WLS: variants seen among roughly 807,000 people sequenced by gnomAD.
The protein encoded by WLS is protein wntless homolog.
Under a neutral mutation model 62.8 loss-of-function variants are expected in WLS, and 23 were observed. The observed-to-expected ratio is 0.37, with a 90% confidence interval of 0.26 to 0.52. The LOEUF (loss-of-function observed/expected upper bound fraction) is 0.52, where lower values mean the gene tolerates loss of function less well. Ranked by LOEUF, WLS falls within the 20% of genes least tolerant of loss-of-function variation. The probability of loss-of-function intolerance (pLI) is 0.92; values close to 1 mark genes in which losing one functional copy is unlikely to be tolerated. For synonymous variants in WLS, 246 were observed against 244.1 expected (o/e 1.01, Z -0.07); for missense variants, 615 against 697.3 (o/e 0.88, Z 1.33).
intron 1 of WLS, among the ~76,000 whole-genome samples, chr1:68,212,306 A>T (rs1027010056): frequency 6.6e-6 from 1 of 152,242 alleles, no homozygotes; most frequent in African/African-American, 2.4e-5. Flanking sequence ...GAATTTGCCC[A>T]CAATGTCTAA....
chr1:68,194,086 C>T lies in WLS; in HGVS notation c.248G>A (p.Arg83Lys), dbSNP rs1290296126. Residue 83 changes from arginine to lysine, a missense_variant, in exon 2 of 12, where the codon AGG becomes AAG. Transcript: ENST00000262348. ...CACGATGTCATTGGCTTCAATTTCC[C>T]TTGGAATTGCCTCTTCAATGTCTCG... ...KIRDIEEAIPREIEANDIVFS... is the reference protein window; with the variant it reads ...KIRDIEEAIPKEIEANDIVFS... 6.2e-7 allele frequency: 1 copy of T among 1,614,104 alleles called. No homozygotes were observed. Among genetic ancestry groups the T allele is most frequent in the East Asian group, 2.2e-5 (1 of 44,872 alleles).
chr1:68,106,582 G>A (rs1646147200), intron 11 of WLS, among the ~76,000 whole-genome samples: 1 of 152,188 alleles, frequency 6.6e-6, no homozygotes, highest in Admixed American at 6.5e-5. Flanking sequence ...TGCAAACCTA[G>A]GTACCTGCTG....
intron 2 of WLS, among the ~76,000 whole-genome samples, chr1:68,174,189 C>T (rs1647196395): frequency 6.6e-6 from 1 of 152,188 alleles, no homozygotes; most frequent in African/African-American, 2.4e-5. Flanking sequence ...AGCGCTGCTG[C>T]CAGCCAGCTA....
At chr1:68,185,163 A>G (rs1647847198) in intron 2 of WLS, among the ~76,000 whole-genome samples, 1 of 152,162 alleles carries the variant, frequency 6.6e-6, no homozygotes, top group South Asian at 2.1e-4. Context: ...CAAGTCTCAT[A>G]GGTTGAAAGC....
intron 11 of WLS, among the ~76,000 whole-genome samples, chr1:68,104,193 T>TA (rs61472446): frequency 0.35 from 52,978 of 149,338 alleles, 9,428 homozygotes; most frequent in African/African-American, 0.43. Context: ...GTTTGTGATT[T>TA]AAAAAAAAAA....
chr1:68,212,422 A>T (rs1649552863), intron 1 of WLS, among the ~76,000 whole-genome samples: 1 of 152,224 alleles, frequency 6.6e-6, no homozygotes, highest in Admixed American at 6.5e-5. Flanking sequence ...AGGGTTTTAA[A>T]AGAAAATACA....
intron 2 of WLS, among the ~76,000 whole-genome samples, chr1:68,170,867 T>C (rs530432406): frequency 2.0e-5 from 3 of 151,782 alleles, no homozygotes; most frequent in East Asian, 3.9e-4. Flanking sequence ...TGACTCAGTC[T>C]TGTTCACAGT....
At chr1:68,133,221 C>A (rs567513189) in intron 11 of WLS, among the ~76,000 whole-genome samples, 1 of 152,136 alleles carries the variant, frequency 6.6e-6, no homozygotes, top group Non-Finnish European at 1.5e-5. Context: ...ATTCTATGTA[C>A]ATAAAAATAA....
At chr1:68,210,574 C>T (rs1314015144) in intron 1 of WLS, among the ~76,000 whole-genome samples, 1 of 152,188 alleles carries the variant, frequency 6.6e-6, no homozygotes, top group Admixed American at 6.5e-5. Flanking sequence ...AAGATCCTAA[C>T]AGGAAGGTCA....
At chr1:68,147,438 G>A (rs1389534725) in intron 8 of WLS, among the ~76,000 whole-genome samples, 2 of 152,118 alleles carry the variant, frequency 1.3e-5, no homozygotes, top group Admixed American at 6.6e-5. Flanking sequence ...TCCCTAGCAC[G>A]TGGCAAGATA....
At chr1:68,170,707 G>A (rs1374460034) in intron 2 of WLS, among the ~76,000 whole-genome samples, 2 of 131,028 alleles carry the variant, frequency 1.5e-5, no homozygotes, top group Non-Finnish European at 3.4e-5. Flanking sequence ...AACTCAATAT[G>A]GCACCCCCCC....
Position 68,193,398 on chromosome 1 carries a change from TAAAAAAAAAAAAAAAAAAAAAAAAAA to T in WLS, c.379+531_379+556del, listed in dbSNP as rs904327955. ...TCAGAGTTTTTAACTGCAAATAAGC[TAAAAAAAAAAAAAAAAAAAAAAAAAA>T]AAAAAAAAAAAAAAAAAACGAAAAA... On this transcript the variant is annotated intron_variant, in intron 2 of 11. Transcript: ENST00000262348. 3.9e-3 allele frequency among the ~76,000 whole-genome samples: 60 copies of T among 15,444 alleles called. 1 individual carries two copies. Among genetic ancestry groups the T allele is most frequent in the African/African-American group, 6.3e-3 (42 of 6,702 alleles). 10.1% of individuals were successfully genotyped at this position (15,444 alleles called of 152,430 possible). A position where few individuals can be genotyped will look rare whatever the true frequency, so the allele number is the denominator to read the frequency against.
At chr1:68,115,410 C>T (rs1186066111) in intron 11 of WLS, among the ~76,000 whole-genome samples, 1 of 152,222 alleles carries the variant, frequency 6.6e-6, no homozygotes, top group African/African-American at 2.4e-5. Flanking sequence ...ACGAGGCAGT[C>T]CCTGGGGCCT....
chr1:68,211,082 C>T (rs1571020143), intron 1 of WLS, among the ~76,000 whole-genome samples: 2 of 152,288 alleles, frequency 1.3e-5, no homozygotes, highest in African/African-American at 4.8e-5. Context: ...GTTAGAGTAA[C>T]AGTTGATTAG....
chr1:68,229,623 C>A (rs1205366598), intron 1 of WLS, among the ~76,000 whole-genome samples: 1 of 152,032 alleles, frequency 6.6e-6, no homozygotes, highest in Non-Finnish European at 1.5e-5. Flanking sequence ...TGTTTTCCAG[C>A]TTAGGGAAGT....
intron 2 of WLS, among the ~76,000 whole-genome samples, chr1:68,164,353 G>T (rs1365444043): frequency 6.6e-6 from 1 of 151,928 alleles, no homozygotes; most frequent in Non-Finnish European, 1.5e-5. Flanking sequence ...CTGCCTCCCG[G>T]GTTCAAGCAA....
chr1:68,227,392 C>T (rs567176032), intron 1 of WLS, among the ~76,000 whole-genome samples: 46 of 113,046 alleles, frequency 4.1e-4, no homozygotes, highest in South Asian at 2.1e-3. Context: ...GCTGACAGAA[C>T]GAGACTCCGT....
At chr1:68,155,002 C>G (rs192653620) in intron 4 of WLS, 97 bp downstream of exon 4, 8 of 1,291,098 alleles carry the variant, frequency 6.2e-6, no homozygotes, top group South Asian at 1.5e-5. Context: ...TGTTATTATT[C>G]CCATTTCTCA....
intron 11 of WLS, among the ~76,000 whole-genome samples, chr1:68,132,123 G>GA (rs902699189): frequency 2.0e-5 from 3 of 152,138 alleles, no homozygotes; most frequent in African/African-American, 7.2e-5. Context: ...CTAAGACTCA[G>GA]AAAAAATGAT....
Sources: allele counts gnomAD v4.1 joint callset (sites outside exome capture counted in the v4.1 genomes callset), GRCh38; gene constraint gnomAD v4.1.1; transcripts MANE v1.5; gene names NCBI Gene and HGNC (gene_info 2026-07-23, HGNC 2026-07-21).